Variants in SCN11A observed in about 807,000 individuals in gnomAD.
SCN11A encodes the protein sodium voltage-gated channel alpha subunit 11, also known as sodium channel protein type 11 subunit alpha.
A neutral mutation model predicts 162.2 loss-of-function variants in SCN11A; 122 were observed. The ratio of observed to expected loss-of-function variants is 0.75; its 90% confidence interval spans 0.65 to 0.87. SCN11A has a LOEUF of 0.87. Among genes scored for constraint, SCN11A ranks in the 40% least tolerant of loss-of-function variants. SCN11A has a pLI of 0.00. For missense variants in SCN11A, 2,015 were observed against 2,181.6 expected (o/e 0.92, Z 1.52); for synonymous variants, 758 against 751.5 (o/e 1.01, Z -0.14).
At chr3:38,959,000 A>G (rs2066714841) in intron 3 of SCN11A, among the ~76,000 whole-genome samples, 1 of 152,172 alleles carries the variant, frequency 6.6e-6, no homozygotes, top group Non-Finnish European at 1.5e-5. Context: ...CTTTTGGCAA[A>G]GAGCAAACTG....
At chr3:39,028,406 G>A (rs1338984417) in intron 2 of SCN11A, among the ~76,000 whole-genome samples, 1 of 152,120 alleles carries the variant, frequency 6.6e-6, no homozygotes, top group African/African-American at 2.4e-5. Flanking sequence ...AGTTCTCAGG[G>A]ATATTTCATT....
rs1478989513 is a variant in SCN11A, at chr3:38,936,045, G to C, written c.489-9114C>G. ...CATGATCAAGTGGGCTTCATCCCTG[G>C]GATGCAAGGCTGGTTCAATATATGC... On this transcript the variant is annotated intron_variant, in intron 7 of 29. Coordinates refer to ENST00000302328, the MANE Select transcript of SCN11A (RefSeq NM_001349253.2). Among the ~76,000 whole-genome samples, 4 of 151,950 alleles carry C rather than the reference G, an allele frequency of 2.6e-5. No individual in the cohort carries two copies. In the South Asian group the frequency reaches 6.2e-4, roughly 24 times the overall value.
At chr3:38,952,732 G>A (rs1406711037) in intron 4 of SCN11A, among the ~76,000 whole-genome samples, 1 of 152,208 alleles carries the variant, frequency 6.6e-6, no homozygotes, top group Non-Finnish European at 1.5e-5. Flanking sequence ...TCTAAATTGA[G>A]ACCTGAAGGA....
chr3:38,912,535 C>G (rs566490028), intron 11 of SCN11A, among the ~76,000 whole-genome samples: 16 of 152,146 alleles, frequency 1.1e-4, no homozygotes, highest in Admixed American at 7.2e-4. Flanking sequence ...TATAGGTAAA[C>G]TCATGTCACA....
chr3:39,033,273 G>C (rs983439866), intron 1 of SCN11A, among the ~76,000 whole-genome samples: 2 of 152,048 alleles, frequency 1.3e-5, no homozygotes, highest in African/African-American at 4.8e-5. Flanking sequence ...TTTGGAAGCA[G>C]AAGCCTTCTA....
At chr3:38,940,744 C>G (rs1335413816) in intron 7 of SCN11A, among the ~76,000 whole-genome samples, 3 of 152,004 alleles carry the variant, frequency 2.0e-5, no homozygotes, top group African/African-American at 7.2e-5. Flanking sequence ...TTTTATAACT[C>G]AAGGCTAGAG....
At chr3:38,993,325 C>A (rs188412347) in intron 2 of SCN11A, among the ~76,000 whole-genome samples, 149 of 152,244 alleles carry the variant, frequency 9.8e-4, no homozygotes, top group East Asian at 1.4e-3. Context: ...AAAAAAAGAG[C>A]CCTAACAGAA....
intron 2 of SCN11A, among the ~76,000 whole-genome samples, chr3:39,020,018 C>T (rs946783454): frequency 2.0e-5 from 3 of 152,162 alleles, no homozygotes; most frequent in Non-Finnish European, 4.4e-5. Context: ...AGTCAGAAGG[C>T]TGAGGTTTAC....
At chr3:38,885,423 A>C in intron 20 of SCN11A, 21 bp from the exon 21 acceptor site, 1 of 1,314,388 alleles carries the variant, frequency 7.6e-7, no homozygotes, top group Non-Finnish European at 1.1e-6. Flanking sequence ...GAACAAAACG[A>C]AGGGGGTGCC....
intron 1 of SCN11A, among the ~76,000 whole-genome samples, chr3:39,045,924 GATAAAGAAATTC>G (rs1401162970): frequency 1.3e-5 from 2 of 151,606 alleles, no homozygotes; most frequent in Non-Finnish European, 3.0e-5. Flanking sequence ...TCTCAGAACT[GATAAAGAAATTC>G]ATAAAGTTGT....
chr3:38,939,025 T>C (rs575642722), intron 7 of SCN11A, among the ~76,000 whole-genome samples: 5 of 151,922 alleles, frequency 3.3e-5, no homozygotes, highest in African/African-American at 1.2e-4. Context: ...ATACAAAAAT[T>C]AGCCAGGCGT....
chr3:39,024,733 C>A (rs2031542398), intron 2 of SCN11A, among the ~76,000 whole-genome samples: 2 of 152,214 alleles, frequency 1.3e-5, no homozygotes, highest in African/African-American at 4.8e-5. Flanking sequence ...GCCCCATACC[C>A]AGAAGGAAGG....
At chr3:39,013,182 T>G (rs2031194445) in intron 2 of SCN11A, among the ~76,000 whole-genome samples, 1 of 152,196 alleles carries the variant, frequency 6.6e-6, no homozygotes, top group Non-Finnish European at 1.5e-5. Flanking sequence ...TGAAAAAAAG[T>G]CATCAATAAT....
chr3:38,909,090 T>A lies in SCN11A; in HGVS notation c.1206A>T (p.Ala402=), dbSNP rs770929132. 2 of 1,614,004 alleles carry A rather than the reference T, an allele frequency of 1.2e-6. No individual in the cohort carries two copies. Among genetic ancestry groups the A allele is most frequent in the African/African-American group, 2.7e-5 (2 of 74,914 alleles). ...CTACATTCTTGTTCTGCTCCTCATA[T>A]GCCATGGTAACAACAGCCAGGGTTA... is the stretch of plus-strand genomic sequence containing the variant. ...INLTLAVVTM[A]YEEQNKNVAA... The change falls in exon 13 of 30, where the codon GCA becomes GCT. Residue 402 remains alanine, a synonymous_variant. Transcript: ENST00000302328.
chr3:38,955,000 G>C, intron 3 of SCN11A, among the ~76,000 whole-genome samples: 1 of 151,870 alleles, frequency 6.6e-6, no homozygotes, highest in African/African-American at 2.4e-5. Flanking sequence ...AAAAAGAAAA[G>C]AAAAGAAAAG....
intron 2 of SCN11A, among the ~76,000 whole-genome samples, chr3:39,014,523 A>C (rs1351624739): frequency 6.6e-6 from 1 of 152,192 alleles, no homozygotes; most frequent in Non-Finnish European, 1.5e-5. Context: ...CAACTTGGTA[A>C]AGTATTGTCT....
intron 1 of SCN11A, among the ~76,000 whole-genome samples, chr3:39,040,824 A>C (rs1247505464): frequency 6.6e-6 from 1 of 152,128 alleles, no homozygotes; most frequent in East Asian, 1.9e-4. Context: ...CACGCCTGTA[A>C]TCCCAGCACT....
At chr3:38,974,184 A>C (rs1013360421) in intron 2 of SCN11A, among the ~76,000 whole-genome samples, 1 of 152,222 alleles carries the variant, frequency 6.6e-6, no homozygotes, top group Non-Finnish European at 1.5e-5. Context: ...AATCTTAGAA[A>C]ATTTCAAAAT....
At chr3:38,970,207 C>G (rs772497600) in intron 2 of SCN11A, among the ~76,000 whole-genome samples, 3 of 152,136 alleles carry the variant, frequency 2.0e-5, no homozygotes, top group Non-Finnish European at 4.4e-5. Flanking sequence ...ACTGGACCCT[C>G]GATTGGATCT....
Sources: allele counts gnomAD v4.1 joint callset (sites outside exome capture counted in the v4.1 genomes callset), GRCh38; gene constraint gnomAD v4.1.1; transcripts MANE v1.5; gene names NCBI Gene and HGNC (gene_info 2026-07-23, HGNC 2026-07-21).